Variants in ACAD10 observed in about 807,000 individuals in gnomAD.
ACAD10 encodes acyl-CoA dehydrogenase family member 10.
In ACAD10, 112 loss-of-function variants were observed where a neutral mutation model predicts 116.8. The ratio of observed to expected loss-of-function variants is 0.96; its 90% confidence interval spans 0.82 to 1.12. The LOEUF is 1.12. Ranked by LOEUF, ACAD10 falls within the 50% of genes most tolerant of loss-of-function variation. The probability of loss-of-function intolerance (pLI) is 0.00; values close to 1 mark genes in which losing one functional copy is unlikely to be tolerated. For synonymous variants in ACAD10, 486 were observed against 510.6 expected (o/e 0.95, Z 0.65); for missense variants, 1,259 against 1,350.2 (o/e 0.93, Z 1.06).
chr12:111,703,943 G>A lies in ACAD10; in HGVS notation c.336+1633G>A, dbSNP rs189418536. 3.3e-5 allele frequency among the ~76,000 whole-genome samples: 5 copies of A among 150,628 alleles called. No individual in the cohort carries two copies. The East Asian group carries it at 9.7e-4, about 29-fold the overall frequency. Reference sequence around the variant, plus strand: ...TATATATAAACATATATGTGTATATGTAATAGTAAACTTTGAAAACATTAT... The same window carrying A: ...TATATATAAACATATATGTGTATATATAATAGTAAACTTTGAAAACATTAT... On this transcript the variant is annotated intron_variant, in intron 3 of 20. Transcript: ENST00000313698.
intron 7 of ACAD10, among the ~76,000 whole-genome samples, chr12:111,719,487 C>T (rs960011771): frequency 3.3e-5 from 5 of 152,092 alleles, no homozygotes; most frequent in Non-Finnish European, 7.4e-5. Flanking sequence ...CTCCTGACCT[C>T]ATGATCCACC....
chr12:111,743,368 TG>T (rs1566165461), intron 12 of ACAD10, among the ~76,000 whole-genome samples: 1 of 147,270 alleles, frequency 6.8e-6, no homozygotes, highest in African/African-American at 2.6e-5. Flanking sequence ...GGAAATATTC[TG>T]TTTTTTTTTT....
At chr12:111,728,173 G>C (rs1014055312) in intron 9 of ACAD10, 30 bp downstream of exon 9, 1 of 1,561,892 alleles carries the variant, frequency 6.4e-7, no homozygotes, top group Non-Finnish European at 8.7e-7. Context: ...TCCCATGCTG[G>C]TTGTTTCATC....
Position 111,753,928 on chromosome 12 carries a change from G to A in ACAD10, c.2961+13G>A. The A allele has an allele frequency of 1.9e-6, 3 of 1,589,402 alleles. No homozygotes were observed. Among genetic ancestry groups the A allele is most frequent in the Non-Finnish European group, 2.6e-6 (3 of 1,165,400 alleles). Reference sequence around the variant, plus strand: ...GGCAGGAAACAAGGTAGGGGCAGGGGCACGAGGGGGCCTCCCAGAGGCAGA... The same window carrying A: ...GGCAGGAAACAAGGTAGGGGCAGGGACACGAGGGGGCCTCCCAGAGGCAGA... On this transcript the variant is annotated intron_variant, in intron 19 of 20. Transcript: ENST00000313698.
chr12:111,729,591 C>T (rs912257869), intron 9 of ACAD10, among the ~76,000 whole-genome samples: 26 of 152,094 alleles, frequency 1.7e-4, no homozygotes, highest in African/African-American at 6.3e-4. Context: ...GGAACAGCAC[C>T]CAGACCACAC....
At chr12:111,692,591 T>G in intron 1 of ACAD10, 106 bp from the exon 2 acceptor site, 1 of 1,125,180 alleles carries the variant, frequency 8.9e-7, no homozygotes, top group Non-Finnish European at 1.3e-6. Flanking sequence ...AAGTGCCTGT[T>G]GGAGATGGGT....
rs1271563438 is a variant in ACAD10, at chr12:111,746,224, G to A, written c.2196G>A (p.Leu732=). Residue 732 remains leucine, a synonymous_variant, in exon 14 of 21, where the codon CTG becomes CTA. Transcript: ENST00000313698. ...CCGAGAAAAAATACGGAGCAGGACT[G>A]ACCAATGTGGAATATGCACATCTGT... ...ADPEKKYGAG[L]TNVEYAHLCE... The A allele has an allele frequency of 1.9e-6, 3 of 1,613,812 alleles. No homozygotes were observed. Among genetic ancestry groups the A allele is most frequent in the Admixed American group, 3.3e-5 (2 of 59,962 alleles).
chr12:111,697,584 C>CTTTTTTTTT, intron 2 of ACAD10, among the ~76,000 whole-genome samples: 1 of 120,552 alleles, frequency 8.3e-6, no homozygotes, highest in Non-Finnish European at 1.7e-5. Context: ...TGGTCTCTCT[C>CTTTTTTTTT]TTTTTTTTTT....
At chr12:111,693,095 C>A in intron 2 of ACAD10, 199 bp downstream of exon 2, 3 of 602,202 alleles carry the variant, frequency 5.0e-6, no homozygotes, top group East Asian at 2.9e-5. Context: ...ATCTTACTTT[C>A]CTCATCATTA....
chr12:111,698,249 C>G (rs1888245358), intron 2 of ACAD10, among the ~76,000 whole-genome samples: 1 of 148,384 alleles, frequency 6.7e-6, no homozygotes, highest in Non-Finnish European at 1.5e-5. Context: ...TTGCCTGCCT[C>G]AGGGTTCCAA....
chr12:111,723,673 G>A (rs1461991265), intron 8 of ACAD10, among the ~76,000 whole-genome samples: 1 of 135,886 alleles, frequency 7.4e-6, no homozygotes, highest in African/African-American at 2.8e-5. Flanking sequence ...CCCGGACGGG[G>A]CGGGGGGCTG....
chr12:111,738,446 C>CAAAAA (rs752828322), intron 12 of ACAD10, among the ~76,000 whole-genome samples: 1 of 49,544 alleles, frequency 2.0e-5, no homozygotes, highest in African/African-American at 7.2e-5. Context: ...GACTCTGTCT[C>CAAAAA]AAAAAAAAAA....
chr12:111,746,182 A>G lies in ACAD10; in HGVS notation c.2154A>G (p.Leu718=), dbSNP rs1460405339. The G allele has an allele frequency of 8.1e-6, 13 of 1,613,744 alleles. No individual in the cohort carries two copies. Among genetic ancestry groups the G allele is most frequent in the Non-Finnish European group, 1.1e-5 (13 of 1,179,994 alleles). ...CTGAAGGACTTTGGAACCTTTTCCTACCCTTAGAGGCTGATCCCGAGAAAA... is the reference window on the plus strand; with the variant it reads ...CTGAAGGACTTTGGAACCTTTTCCTGCCCTTAGAGGCTGATCCCGAGAAAA... The part of the protein sequence containing the change: ...AKAEGLWNLF[L]PLEADPEKKY... Residue 718 remains leucine (L), a synonymous_variant, in exon 14 of 21, where the codon CTA becomes CTG. Transcript: ENST00000313698.
intron 8 of ACAD10, 21 bp from the exon 9 acceptor site, chr12:111,727,940 AC>A: frequency 6.3e-7 from 1 of 1,590,906 alleles, no homozygotes; most frequent in Non-Finnish European, 8.5e-7. Context: ...GATCCCTGAA[AC>A]CCCTTCTGTG....
chr12:111,756,141 T>C, intron 20 of ACAD10, 192 bp from the exon 21 acceptor site: 1 of 1,420,052 alleles, frequency 7.0e-7, no homozygotes, highest in South Asian at 1.6e-5. Context: ...GCCTGGGGAG[T>C]CTGGAGGCCG....
chr12:111,717,887 T>G (rs1888889449), intron 7 of ACAD10, among the ~76,000 whole-genome samples: 1 of 152,118 alleles, frequency 6.6e-6, no homozygotes. Flanking sequence ...ACAAAAATGT[T>G]GTTACTCAGA....
In ACAD10 at chr12:111,749,084, A is replaced by C. The variant is rs554995399; in HGVS notation, c.2645-89A>C. 11 of 1,613,588 alleles carry C rather than the reference A, an allele frequency of 6.8e-6. No individual in the cohort carries two copies. The East Asian group carries it at 2.5e-4, about 36-fold the overall frequency. ...CTAAATAAAGGGCAGGGACATTGCCAGCAGATAACCCAGACTGAGGTGAGG... is the reference window on the plus strand; with the variant it reads ...CTAAATAAAGGGCAGGGACATTGCCCGCAGATAACCCAGACTGAGGTGAGG... On this transcript the variant is annotated intron_variant, in intron 17 of 20. Coordinates refer to ENST00000313698, the MANE Select transcript of ACAD10 (RefSeq NM_025247.6).
chr12:111,697,048 T>C (rs1888207571), intron 2 of ACAD10, among the ~76,000 whole-genome samples: 1 of 148,286 alleles, frequency 6.7e-6, no homozygotes. Context: ...ACCACTGCAC[T>C]CCAACCTGGG....
rs144180377 is a variant in ACAD10, at chr12:111,749,316, G to T, written c.2788G>T (p.Glu930Ter). 3.7e-6 allele frequency: 6 copies of T among 1,613,726 alleles called. No homozygotes were observed. In the African/African-American group the frequency reaches 8.0e-5, roughly 22 times the overall value. Residue 930 changes from glutamate (E) to a stop codon, truncating the protein, a stop_gained, in exon 18 of 21, where the codon GAG (glutamate) becomes TAG (stop). Coordinates refer to ENST00000313698, the MANE Select transcript of ACAD10 (RefSeq NM_025247.6). LOFTEE classifies it high-confidence loss of function. ...HHCMRLIGFSERALALMKARV... is the reference protein window; with the variant it reads ...HHCMRLIGFS ...CTGCATGAGGCTGATCGGGTTCTCA[G>T]AGAGGGCCCTGGCACTCATGAAGGC...
Sources: allele counts gnomAD v4.1 joint callset (sites outside exome capture counted in the v4.1 genomes callset), GRCh38; gene constraint gnomAD v4.1.1; transcripts MANE v1.5; gene names NCBI Gene and HGNC (gene_info 2026-07-23, HGNC 2026-07-21).